NPFFR1: variants seen among roughly 807,000 people sequenced by gnomAD.
NPFFR1 encodes the protein G-protein coupled receptor 147.
A neutral mutation model predicts 12.7 loss-of-function variants in NPFFR1; 17 were observed. The observed-to-expected ratio is 1.34, with a 90% CI of 0.92 to 2.01. NPFFR1 has a LOEUF of 2.01. Ranked by LOEUF, NPFFR1 falls within the 30% of genes most tolerant of loss-of-function variation. NPFFR1 has a pLI of 0.00. For synonymous variants in NPFFR1, 296 were observed against 264.5 expected (o/e 1.12, Z -1.16); for missense variants, 604 against 606.5 (o/e 1.00, Z 0.04).
intron 1 of NPFFR1, among the ~76,000 whole-genome samples, chr10:70,280,386 C>T (rs562815611): frequency 2.6e-5 from 4 of 152,234 alleles, no homozygotes; most frequent in African/African-American, 7.2e-5. Flanking sequence ...TCTCCAACAA[C>T]ACTTACTTAT....
intron 3 of NPFFR1, among the ~76,000 whole-genome samples, chr10:70,259,684 T>A (rs927201944): frequency 2.6e-5 from 4 of 152,142 alleles, no homozygotes. Context: ...AGGGTTAAGA[T>A]ATGCCTGTGC....
intron 1 of NPFFR1, among the ~76,000 whole-genome samples, chr10:70,280,049 T>A (rs1240617096): frequency 6.6e-6 from 1 of 152,270 alleles, no homozygotes; most frequent in Non-Finnish European, 1.5e-5. Context: ...ATGTTTTAAA[T>A]GACACAATTC....
chr10:70,260,842 TC>T, intron 2 of NPFFR1, 103 bp from the exon 3 acceptor site: 1 of 946,696 alleles, frequency 1.1e-6, no homozygotes, highest in East Asian at 2.6e-5. Context: ...GGATCTTTCC[TC>T]CATGACCTGC....
intron 1 of NPFFR1, among the ~76,000 whole-genome samples, chr10:70,267,986 A>G (rs1012242058): frequency 1.6e-4 from 24 of 152,362 alleles, no homozygotes; most frequent in African/African-American, 5.8e-4. Flanking sequence ...AACTGTACTC[A>G]AACATCTTTA....
intron 3 of NPFFR1, among the ~76,000 whole-genome samples, chr10:70,256,883 AC>A (rs1170241945): frequency 6.6e-6 from 1 of 152,166 alleles, no homozygotes; most frequent in Non-Finnish European, 1.5e-5. Flanking sequence ...CAAAGACAAA[AC>A]CCGTGCCTAT....
chr10:70,269,662 C>A (rs536433981), intron 1 of NPFFR1, among the ~76,000 whole-genome samples: 1 of 152,120 alleles, frequency 6.6e-6, no homozygotes, highest in Non-Finnish European at 1.5e-5. Flanking sequence ...CAGGTGCATG[C>A]CACCACACCC....
chr10:70,256,795 G>A (rs868837348), intron 3 of NPFFR1, among the ~76,000 whole-genome samples: 3 of 152,262 alleles, frequency 2.0e-5, no homozygotes, highest in Middle Eastern at 3.4e-3. Context: ...ACCCAGATTT[G>A]TCTTGCTTCA....
At chr10:70,268,632 G>A (rs1840720240) in intron 1 of NPFFR1, among the ~76,000 whole-genome samples, 1 of 152,138 alleles carries the variant, frequency 6.6e-6, no homozygotes, top group Non-Finnish European at 1.5e-5. Flanking sequence ...CATTGGCTGG[G>A]ATGTCTCAGT....
chr10:70,273,497 A>G (rs186189625), intron 1 of NPFFR1, among the ~76,000 whole-genome samples: 1 of 152,306 alleles, frequency 6.6e-6, no homozygotes, highest in East Asian at 1.9e-4. Flanking sequence ...ATCCGCTCCC[A>G]AAAAGAGCCC....
At chr10:70,262,159 A>T (rs1193014197) in intron 2 of NPFFR1, among the ~76,000 whole-genome samples, 1 of 152,206 alleles carries the variant, frequency 6.6e-6, no homozygotes, top group Non-Finnish European at 1.5e-5. Flanking sequence ...CTCTGAGTAT[A>T]TCTTTGTATG....
At chr10:70,264,641 G>T (rs1371165590) in intron 2 of NPFFR1, among the ~76,000 whole-genome samples, 3 of 152,118 alleles carry the variant, frequency 2.0e-5, no homozygotes, top group Non-Finnish European at 1.5e-5. Context: ...GTAAAAGTAC[G>T]GGACTGGCTG....
chr10:70,269,270 C>T (rs573621006), intron 1 of NPFFR1, among the ~76,000 whole-genome samples: 4 of 152,144 alleles, frequency 2.6e-5, no homozygotes, highest in Non-Finnish European at 5.9e-5. Flanking sequence ...AATCCTCCCG[C>T]CTCGGCCTCC....
In NPFFR1 at chr10:70,270,712, C is replaced by G. The variant is rs189088249; in HGVS notation, c.8-4321G>C. 3.0e-4 allele frequency among the ~76,000 whole-genome samples: 45 copies of G among 152,336 alleles called. No homozygotes were observed. In the East Asian group the frequency reaches 7.5e-3, roughly 25 times the overall value. On this transcript the variant is annotated intron_variant, in intron 1 of 3. Transcript: ENST00000277942. ...CTGGAGGCAGGCAGGCCTCCCACCC[C>G]ATCTGGGCTGCATGCTAGCAGCCAG... is the stretch of plus-strand genomic sequence containing the variant.
At chr10:70,257,866 G>T (rs565488887) in intron 3 of NPFFR1, among the ~76,000 whole-genome samples, 1 of 152,290 alleles carries the variant, frequency 6.6e-6, no homozygotes, top group South Asian at 2.1e-4. Context: ...TGAGATGTTT[G>T]GGTGGAGAGA....
At position 70,255,850 on chromosome 10, in the gene NPFFR1, C is replaced by A. The variant is rs757880475; in HGVS notation, c.423-23G>T. On this transcript the variant is annotated intron_variant, in intron 3 of 3. Coordinates refer to ENST00000277942, the MANE Select transcript of NPFFR1 (RefSeq NM_022146.5). This position sits in a 1 kb window ranked among gnomAD's most constrained non-coding sequence, Gnocchi z 4.2. ...AACCTGCCGCGGGGAGAGAGACAGG[C>A]GGGATCTGGGTGGGTCCTAGGGCCC... 5 of 1,590,178 alleles carry A rather than the reference C, an allele frequency of 3.1e-6. No homozygotes were observed. Among genetic ancestry groups the A allele is most frequent in the Non-Finnish European group, 4.3e-6 (5 of 1,168,374 alleles).
intron 1 of NPFFR1, among the ~76,000 whole-genome samples, chr10:70,273,460 G>C (rs1451048080): frequency 6.6e-6 from 1 of 152,178 alleles, no homozygotes; most frequent in East Asian, 1.9e-4. Flanking sequence ...CCTGTCTGGA[G>C]GAATTTATGG....
At chr10:70,267,700 C>T (rs149595265) in intron 1 of NPFFR1, among the ~76,000 whole-genome samples, 117 of 152,314 alleles carry the variant, frequency 7.7e-4, no homozygotes, top group African/African-American at 2.7e-3. Flanking sequence ...GAGGCCTATT[C>T]CAGGGGATGA....
chr10:70,265,719 G>A (rs771382949), intron 2 of NPFFR1, among the ~76,000 whole-genome samples: 23 of 152,190 alleles, frequency 1.5e-4, no homozygotes, highest in Non-Finnish European at 3.1e-4. Flanking sequence ...TGTTGACCTT[G>A]ACACCTATTA....
At chr10:70,258,810 G>A (rs1840603549) in intron 3 of NPFFR1, among the ~76,000 whole-genome samples, 2 of 152,158 alleles carry the variant, frequency 1.3e-5, no homozygotes, top group Non-Finnish European at 1.5e-5. Flanking sequence ...TGGAGTCAGA[G>A]CCTGCCCTGG....
Sources: allele counts gnomAD v4.1 joint callset (sites outside exome capture counted in the v4.1 genomes callset), GRCh38; gene constraint gnomAD v4.1.1; non-coding constraint Gnocchi (gnomAD v3.1); transcripts MANE v1.5; gene names NCBI Gene and HGNC (gene_info 2026-07-23, HGNC 2026-07-21).